Variants in BEST3 observed in about 807,000 individuals in gnomAD.
BEST3 encodes the protein bestrophin 3.
BEST3 carries 50 observed loss-of-function variants against 47.1 expected under a neutral mutation model. The ratio of observed to expected loss-of-function variants is 1.06; its 90% CI spans 0.85 to 1.34. The LOEUF (loss-of-function observed/expected upper bound fraction) is 1.34, where lower values mean the gene tolerates loss of function less well. BEST3 is among the 40% of genes most tolerant of loss of function. The pLI is 0.00. For synonymous variants in BEST3, 282 were observed against 298.8 expected, an observed-to-expected ratio of 0.94 and a Z score of 0.58; for missense variants, 765 against 817.0, an observed-to-expected ratio of 0.94 and a Z score of 0.78.
In BEST3 at chr12:69,654,962, G is replaced by A. The variant is rs1048087172; in HGVS notation, c.1952C>T (p.Thr651Ile). Residue 651 changes from threonine (T) to isoleucine (I), a missense_variant, in exon 10 of 10, where the codon ACC (threonine) becomes ATC (isoleucine). By Grantham distance (89) the Thr-to-Ile change is moderately conservative. Transcript: ENST00000330891. ...CAGCTCTATGATATCTGTTTCCTTGGTGTCCAGGTTTTCCATTAAATACAG... is the reference window on the plus strand; with the variant it reads ...CAGCTCTATGATATCTGTTTCCTTGATGTCCAGGTTTTCCATTAAATACAG... The part of the protein sequence containing the change: ...DMLYLMENLD[T>I]KETDIIELNK... 6 of 1,613,850 alleles carry A rather than the reference G, an allele frequency of 3.7e-6. No individual in the cohort carries two copies. The highest frequency in any genetic ancestry group is 3.3e-5 in the Admixed American group (2 of 59,982).
intron 9 of BEST3, among the ~76,000 whole-genome samples, chr12:69,648,539 G>C (rs1883110494): frequency 6.6e-6 from 1 of 152,200 alleles, no homozygotes; most frequent in Non-Finnish European, 1.5e-5. Context: ...GGGCAAACAT[G>C]AATGAACTTC....
At chr12:69,657,541 G>A (rs1357087690) in intron 9 of BEST3, among the ~76,000 whole-genome samples, 2 of 152,148 alleles carry the variant, frequency 1.3e-5, no homozygotes, top group Non-Finnish European at 2.9e-5. Context: ...CCTTAATGGG[G>A]TTTGAAGAAC....
Position 69,654,033 on chromosome 12 carries a change from G to A in BEST3, c.*874C>T. 2 of 985,446 alleles carry A rather than the reference G, an allele frequency of 2.0e-6. No homozygotes were observed. The highest frequency in any genetic ancestry group is 9.4e-5 in the South Asian group (2 of 21,290). The allele number at this position is 985,446 out of a possible 1,614,324, so 61.0% of individuals were successfully genotyped here. A position where few individuals can be genotyped will look rare whatever the true frequency, so the allele number is the denominator to read the frequency against. On this transcript the variant is annotated 3_prime_UTR_variant, in exon 10 of 10. Coordinates refer to ENST00000330891, the MANE Select transcript of BEST3 (RefSeq NM_032735.3). ...CAGAAAGAAATGTCAATGGCTGCAA[G>A]GGCACGGGGGGAACCATCACTCCTA...
intron 2 of BEST3, among the ~76,000 whole-genome samples, chr12:69,696,103 T>G (rs1313674976): frequency 2.0e-5 from 3 of 152,168 alleles, no homozygotes; most frequent in Non-Finnish European, 4.4e-5. Context: ...TTTCTATAGA[T>G]GTGTTTGATT....
intron 4 of BEST3, chr12:69,684,392 C>T (rs710714): frequency 0.72 from 316,264 of 437,428 alleles, 114,896 homozygotes; most frequent in South Asian, 0.83. Flanking sequence ...TTATTGCCCT[C>T]GAGCCAAAGG....
At chr12:69,652,156 A>C (rs1339329922), downstream of BEST3, among the ~76,000 whole-genome samples, 1 of 152,216 alleles carries the variant, frequency 6.6e-6, no homozygotes, top group East Asian at 1.9e-4. Flanking sequence ...GGGCAGAGTT[A>C]TCTCTACAAA....
rs1177509311 is a variant in BEST3 at position 69,654,206 on chromosome 12, T to G, written c.*701A>C. ...ACAGATTTGGCAAGAGGAAATATTA[T>G]AACCTGAAAAATGGGACAGATTACT... On this transcript the variant is annotated 3_prime_UTR_variant, in exon 10 of 10. Coordinates refer to ENST00000330891, the MANE Select transcript of BEST3 (RefSeq NM_032735.3). The G allele has an allele frequency of 1.0e-6, 1 of 984,740 alleles. No individual in the cohort carries two copies. The highest frequency in any genetic ancestry group is 1.2e-6 in the Non-Finnish European group (1 of 829,746). 61.0% of individuals were successfully genotyped at this position (984,740 alleles called of 1,614,324 possible). A position where few individuals can be genotyped will look rare whatever the true frequency, so the allele number is the denominator to read the frequency against.
At chr12:69,699,183 T>A (rs1886233465) in intron 1 of BEST3, 22 bp downstream of exon 1, 1 of 980,362 alleles carries the variant, frequency 1.0e-6, no homozygotes, top group African/African-American at 1.7e-5. Context: ...TTAAAATGCA[T>A]AGGTTTACTC....
chr12:69,651,786 GA>G (rs5798944), downstream of BEST3, among the ~76,000 whole-genome samples: 51,922 of 97,212 alleles, frequency 0.53, 9,619 homozygotes, highest in Admixed American at 0.63. Flanking sequence ...AAAAAAAAAA[GA>G]AAAAAAAAAA....
At chr12:69,682,464 T>G (rs1885311972) in intron 4 of BEST3, among the ~76,000 whole-genome samples, 1 of 152,214 alleles carries the variant, frequency 6.6e-6, no homozygotes, top group Non-Finnish European at 1.5e-5. Context: ...AAAATAAAAA[T>G]GAGCTTGGTG....
At chr12:69,670,700 G>C (rs747722978) in intron 9 of BEST3, 4 of 511,204 alleles carry the variant, frequency 7.8e-6, no homozygotes, top group Non-Finnish European at 1.4e-5. Flanking sequence ...AGGGAACTAT[G>C]AGCCACAGTC....
Position 69,693,715 on chromosome 12 carries a change from A to T in BEST3, c.440T>A (p.Val147Glu). 1 of 1,614,104 alleles carries T rather than the reference A, an allele frequency of 6.2e-7. No homozygotes were observed. The highest frequency in any genetic ancestry group is 8.5e-7 in the Non-Finnish European group (1 of 1,179,970). The change falls in exon 4 of 10, where the codon GTG (valine) becomes GAG (glutamate). Residue 147 changes from valine to glutamate, a missense_variant. By Grantham distance (121) the Val-to-Glu change is moderately radical (BLOSUM62 -2). Coordinates refer to ENST00000330891, the MANE Select transcript of BEST3 (RefSeq NM_032735.3). ...LLIFRSVSTA[V>E]YKRFPTMDHV... is the part of the protein sequence containing the mutation. Reference sequence around the variant, plus strand: ...GTCCATTGTGGGAAATCTTTTGTACACAGCAGTGCTCACCGAGCGAAAGAT... The same window carrying T: ...GTCCATTGTGGGAAATCTTTTGTACTCAGCAGTGCTCACCGAGCGAAAGAT...
chr12:69,688,252 A>T (rs1885747619), intron 4 of BEST3, among the ~76,000 whole-genome samples: 1 of 152,172 alleles, frequency 6.6e-6, no homozygotes, highest in Admixed American at 6.5e-5. Context: ...AATGAATGAC[A>T]TCTCCCAGGG....
chr12:69,662,325 A>G (rs1284765897), intron 9 of BEST3, among the ~76,000 whole-genome samples: 1 of 152,194 alleles, frequency 6.6e-6, no homozygotes, highest in Non-Finnish European at 1.5e-5. Flanking sequence ...TATGTATCAG[A>G]CTACGTATTT....
At chr12:69,648,301 G>A (rs898725940) in intron 9 of BEST3, among the ~76,000 whole-genome samples, 5 of 152,082 alleles carry the variant, frequency 3.3e-5, no homozygotes, top group South Asian at 2.1e-4. Context: ...AGTATGCAGC[G>A]GCTAGAAGCA....
In BEST3 at chr12:69,654,754, A is replaced by C. The variant is rs1883349241; in HGVS notation, c.*153T>G. 7.3e-7 allele frequency: 1 copy of C among 1,366,898 alleles called. No individual in the cohort carries two copies. The highest frequency in any genetic ancestry group is 2.5e-5 in the East Asian group (1 of 39,348). The allele number at this position is 1,366,898 out of a possible 1,614,324, so 84.7% of individuals were successfully genotyped here. ...TTTTCGCAGCTCTCAAAAAGTCAGG[A>C]TCATAATGCCCTTCAAAGTTCTAAG... On this transcript the variant is annotated 3_prime_UTR_variant, in exon 10 of 10. Coordinates refer to ENST00000330891, the MANE Select transcript of BEST3 (RefSeq NM_032735.3).
At chr12:69,651,798 AAG>A (rs66803309), downstream of BEST3, among the ~76,000 whole-genome samples, 57,577 of 143,632 alleles carry the variant, frequency 0.4, 13,103 homozygotes, top group South Asian at 0.57. Flanking sequence ...AAAAAAAAAA[AAG>A]AAAGAAAAAA....
intron 9 of BEST3, chr12:69,669,945 T>C (rs1442972699): frequency 6.5e-6 from 1 of 153,470 alleles, no homozygotes; most frequent in African/African-American, 2.4e-5. Context: ...AATAGAGTGT[T>C]TGGAGCATTT....
At chr12:69,657,315 C>T (rs1239467415) in intron 9 of BEST3, among the ~76,000 whole-genome samples, 1 of 152,008 alleles carries the variant, frequency 6.6e-6, no homozygotes, top group Admixed American at 6.6e-5. Context: ...AGGCTGGTCT[C>T]GAACTCCTGA....
Sources: gnomAD v4.1 joint callset for allele counts (sites outside exome capture counted in the v4.1 genomes callset) on GRCh38, gnomAD v4.1.1 for gene constraint, MANE v1.5 for transcripts, NCBI Gene and HGNC (gene_info 2026-07-23, HGNC 2026-07-21) for gene names.